Variants in ADGRL1 observed in about 807,000 individuals in gnomAD.
ADGRL1 encodes the protein CIRL-1.
ADGRL1 carries 31 observed loss-of-function variants against 148.9 expected under a neutral mutation model. The observed-to-expected ratio is 0.21, with a 90% confidence interval of 0.16 to 0.28. ADGRL1 has a LOEUF of 0.28. ADGRL1 is among the 10% of genes least tolerant of loss of function. ADGRL1 has a pLI of 1.00. For synonymous variants in ADGRL1, 937 were observed against 900.3 expected (o/e 1.04, Z -0.73); for missense variants, 1,521 against 2,058.8 (o/e 0.74, Z 5.05).
At chr19:14,197,219 C>T (rs545980803) in intron 1 of ADGRL1, among the ~76,000 whole-genome samples, 1 of 152,200 alleles carries the variant, frequency 6.6e-6, no homozygotes, top group East Asian at 1.9e-4. Context: ...CTGCAGTGAG[C>T]TATGATCATG....
In ADGRL1 at chr19:14,163,457, G is replaced by A. The variant is rs544252514; in HGVS notation, c.395-51C>T. 94 of 1,224,586 alleles carry A rather than the reference G, an allele frequency of 7.7e-5. 1 individual carries two copies. In the Middle Eastern group the frequency reaches 4.1e-3, roughly 53 times the overall value. The allele number at this position is 1,224,586 out of a possible 1,614,324, so 75.9% of individuals were successfully genotyped here. On this transcript the variant is annotated intron_variant, in intron 4 of 22. Coordinates refer to ENST00000361434, the MANE Select transcript of ADGRL1 (RefSeq NM_014921.5). The stretch of plus-strand genomic sequence containing the variant: ...GAGGTAGGAGAGAAGGGGCAGAGGC[G>A]AGAGGGAGGAGAGAGAGAGAGAGAG...
chr19:14,179,312 G>C (rs1971031965), intron 2 of ADGRL1, among the ~76,000 whole-genome samples: 1 of 152,074 alleles, frequency 6.6e-6, no homozygotes, highest in Non-Finnish European at 1.5e-5. Flanking sequence ...GGCTAAAACG[G>C]TGAAACCCCA....
intron 3 of ADGRL1, among the ~76,000 whole-genome samples, chr19:14,175,303 T>C (rs1970743294): frequency 6.6e-6 from 1 of 151,812 alleles, no homozygotes; most frequent in Admixed American, 6.6e-5. Flanking sequence ...ACACTCTCAG[T>C]CAACCACACA....
chr19:14,190,813 C>T lies in ADGRL1; in HGVS notation c.-95-7116G>A, dbSNP rs144135875. Among the ~76,000 whole-genome samples, 808 of 152,250 alleles carry T rather than the reference C, an allele frequency of 5.3e-3. 9 individuals are homozygous for T. The highest frequency in any genetic ancestry group is 0.018 in the African/African-American group (751 of 41,550). On this transcript the variant is annotated intron_variant, in intron 1 of 22. Transcript: ENST00000361434. ...GTTTTAAAAGACAATCTTGGCCGGGCGCAGTGGCTCACGCCTGTAATCCCA... is the reference window on the plus strand; with the variant it reads ...GTTTTAAAAGACAATCTTGGCCGGGTGCAGTGGCTCACGCCTGTAATCCCA...
intron 4 of ADGRL1, chr19:14,167,102 A>G: frequency 7.6e-7 from 1 of 1,318,666 alleles, no homozygotes; most frequent in Non-Finnish European, 1.1e-6. Context: ...AAGAGAAAAA[A>G]AAAGAGATTA....
rs1440315373 is a variant in ADGRL1 at position 14,157,939 on chromosome 19, G to T, written c.2478C>A (p.Thr826=). Residue 826 remains threonine, a synonymous_variant, in exon 13 of 23, where the codon ACC becomes ACA. Transcript: ENST00000361434. The surrounding 1 kb of genome is among the most constrained non-coding windows in gnomAD (Gnocchi z 7.5). The stretch of plus-strand genomic sequence containing the variant: ...TGGTGAGGTGGCTGCAGGCACACGT[G>T]GTATGGGTCTTGTTGGACTCCACCA... ...CRLVESNKTH[T]TCACSHLTNF... The T allele has an allele frequency of 6.2e-7, 1 of 1,614,074 alleles. No individual in the cohort carries two copies.
chr19:14,167,084 A>G (rs959543788), intron 4 of ADGRL1: 3 of 1,452,716 alleles, frequency 2.1e-6, no homozygotes, highest in African/African-American at 2.8e-5. Flanking sequence ...AAAAATGTGC[A>G]AGAAAAAAAG....
intron 3 of ADGRL1, 97 bp from the exon 4 acceptor site, chr19:14,170,888 C>T (rs1350757298): frequency 1.5e-6 from 1 of 668,868 alleles, no homozygotes; most frequent in East Asian, 2.8e-5. Flanking sequence ...TAGACACCCC[C>T]AAATTGGGAA....
chr19:14,191,688 G>C (rs1902182234), intron 1 of ADGRL1, among the ~76,000 whole-genome samples: 1 of 150,110 alleles, frequency 6.7e-6, no homozygotes, highest in Non-Finnish European at 1.5e-5. Flanking sequence ...GATCCCTGCT[G>C]TCTCTCTCTT....
intron 1 of ADGRL1, among the ~76,000 whole-genome samples, chr19:14,187,749 C>T (rs1971676030): frequency 6.6e-6 from 1 of 152,112 alleles, no homozygotes; most frequent in Non-Finnish European, 1.5e-5. Flanking sequence ...CATTTTCCAG[C>T]ATGTTACCTT....
chr19:14,156,420 T>C (rs1372921640), intron 16 of ADGRL1, among the ~76,000 whole-genome samples: 1 of 152,014 alleles, frequency 6.6e-6, no homozygotes, highest in East Asian at 1.9e-4. Flanking sequence ...ACAAGGCCCA[T>C]GGCCTGACAC....
At chr19:14,191,199 C>G (rs149809933) in intron 1 of ADGRL1, 3 of 456,758 alleles carry the variant, frequency 6.6e-6, no homozygotes, top group Middle Eastern at 3.3e-4. Flanking sequence ...TTCCCACCCT[C>G]CAGCCTCAGC....
Position 14,175,399 on chromosome 19 carries a change from G to A in ADGRL1, c.284+2132C>T, listed in dbSNP as rs567650583. On this transcript the variant is annotated intron_variant, in intron 3 of 22. Coordinates refer to ENST00000361434, the MANE Select transcript of ADGRL1 (RefSeq NM_014921.5). ...GCCACACCCACCCACCCCCACACAC[G>A]TGCACCCATCCACCTCACCACTCAC... 4.5e-5 allele frequency among the ~76,000 whole-genome samples: 5 copies of A among 110,098 alleles called. No homozygotes were observed. The East Asian group carries it at 8.9e-4, about 20-fold the overall frequency. 72.2% of individuals were successfully genotyped at this position (110,098 alleles called of 152,430 possible). A position where few individuals can be genotyped will look rare whatever the true frequency, so the allele number is the denominator to read the frequency against.
chr19:14,189,129 C>T (rs1971773100), intron 1 of ADGRL1, among the ~76,000 whole-genome samples: 1 of 152,156 alleles, frequency 6.6e-6, no homozygotes, highest in Non-Finnish European at 1.5e-5. Context: ...GTCGCCCAGC[C>T]CTGGTAACTT....
In ADGRL1 at chr19:14,157,491, G is replaced by A; in HGVS notation, c.2536-31C>T. 6.2e-7 allele frequency: 1 copy of A among 1,608,916 alleles called. No homozygotes were observed. Among genetic ancestry groups the A allele is most frequent in the Non-Finnish European group, 8.5e-7 (1 of 1,176,106 alleles). On this transcript the variant is annotated intron_variant, in intron 13 of 22. Coordinates refer to ENST00000361434, the MANE Select transcript of ADGRL1 (RefSeq NM_014921.5). This position sits in a 1 kb window ranked among gnomAD's most constrained non-coding sequence, Gnocchi z 7.5. ...GACAGGAACAGGGGGCACGCTCAGG[G>A]CCTTTGGTTTTGCACGCTGGGCTCA...
At chr19:14,177,838 C>A in intron 2 of ADGRL1, 94 bp from the exon 3 acceptor site, 1 of 1,180,906 alleles carries the variant, frequency 8.5e-7, no homozygotes. Context: ...TCTGGCTCGG[C>A]TGTGTCCTGG....
In ADGRL1 at chr19:14,158,040, A is replaced by G. The variant is rs778041254; in HGVS notation, c.2377T>C (p.Phe793Leu). 6.2e-7 allele frequency: 1 copy of G among 1,614,140 alleles called. No homozygotes were observed. Among genetic ancestry groups the G allele is most frequent in the African/African-American group, 1.3e-5 (1 of 75,046 alleles). ...TTCCAGAAGGAGCAGTTAGCATTGA[A>G]GTGGTTCTTGTCCTGTTGTGTGGTG... Reference protein sequence around the residue: ...TVAHLEDKNHFNANCSFWNYS... With the variant: ...TVAHLEDKNHLNANCSFWNYS... The change falls in exon 13 of 23, where the codon TTC becomes CTC. Residue 793 changes from phenylalanine (F) to leucine (L), a missense_variant. By Grantham distance (22) the Phe-to-Leu change is conservative. Transcript: ENST00000361434.
chr19:14,159,404 C>G lies in ADGRL1; in HGVS notation c.2020G>C (p.Val674Leu). Reference sequence around the variant, plus strand: ...CCTGGGTGACTGTGGCACTCACCCACGTTCTCCTTGGCAGCCAGGAAGCGG... The same window carrying G: ...CCTGGGTGACTGTGGCACTCACCCAGGTTCTCCTTGGCAGCCAGGAAGCGG... ...PARFLAAKEN[V>L]VLEVTVLNTE... is the part of the protein sequence containing the mutation. The change falls in exon 10 of 23, where the codon GTG becomes CTG. Residue 674 changes from valine (V) to leucine (L), a missense_variant. This residue lies in a region of ADGRL1 where 265 missense variants were observed against 431.9 expected (regional missense o/e 0.61). Coordinates refer to ENST00000361434, the MANE Select transcript of ADGRL1 (RefSeq NM_014921.5). The surrounding 1 kb of genome is among the most constrained non-coding windows in gnomAD (Gnocchi z 6.0). 1 of 1,607,218 alleles carries G rather than the reference C, an allele frequency of 6.2e-7. No homozygotes were observed. The highest frequency in any genetic ancestry group is 1.7e-5 in the Admixed American group (1 of 59,682).
At chr19:14,182,660 C>T (rs950073648) in intron 2 of ADGRL1, among the ~76,000 whole-genome samples, 11 of 152,134 alleles carry the variant, frequency 7.2e-5, no homozygotes, top group South Asian at 2.1e-4. Context: ...GAGGGAGGGC[C>T]GGGGGTGGAA....
Sources: allele counts gnomAD v4.1 joint callset (sites outside exome capture counted in the v4.1 genomes callset), GRCh38; gene constraint gnomAD v4.1.1; regional missense constraint gnomAD v4.1.1; non-coding constraint Gnocchi (gnomAD v3.1); transcripts MANE v1.5; gene names NCBI Gene and HGNC (gene_info 2026-07-23, HGNC 2026-07-21).